MDH1B: variants seen among roughly 807,000 people sequenced by gnomAD.
The protein encoded by MDH1B is putative malate dehydrogenase 1B.
In MDH1B, 60 loss-of-function variants were observed where a neutral mutation model predicts 61.4. That is an observed-to-expected ratio of 0.98 (90% CI 0.79 to 1.21). The LOEUF is 1.21. Among genes scored for constraint, MDH1B ranks in the 50% most tolerant of loss-of-function variants. The probability of loss-of-function intolerance (pLI) is 0.00; values close to 1 mark genes in which losing one functional copy is unlikely to be tolerated. For synonymous variants in MDH1B, 236 were observed against 218.7 expected (o/e 1.08, Z -0.70); for missense variants, 587 against 632.1 (o/e 0.93, Z 0.76).
At chr2:206,748,888 G>T (rs55772206) in intron 7 of MDH1B, 132 bp downstream of exon 7, 59,369 of 670,888 alleles carry the variant, frequency 0.088, 3,565 homozygotes, top group African/African-American at 0.25. Flanking sequence ...GAATGAATGA[G>T]TATGAAATTG....
chr2:206,753,640 A>G (rs555730113), intron 5 of MDH1B, among the ~76,000 whole-genome samples: 1 of 152,248 alleles, frequency 6.6e-6, no homozygotes, highest in East Asian at 1.9e-4. Context: ...TTTCTCTTTC[A>G]TGATGTTTTG....
In MDH1B at chr2:206,738,305, C is replaced by A; in HGVS notation, c.*178G>T. The A allele has an allele frequency of 2.3e-6, 1 of 435,132 alleles. No individual in the cohort carries two copies. Among genetic ancestry groups the A allele is most frequent in the African/African-American group, 2.0e-5 (1 of 49,184 alleles). The allele number at this position is 435,132 out of a possible 1,614,324, so 27.0% of individuals were successfully genotyped here. A position where few individuals can be genotyped will look rare whatever the true frequency, so the allele number is the denominator to read the frequency against. On this transcript the variant is annotated 3_prime_UTR_variant, in exon 12 of 12. Coordinates refer to ENST00000374412, the MANE Select transcript of MDH1B (RefSeq NM_001039845.3). The stretch of plus-strand genomic sequence containing the variant: ...CAAACATGAGTGGATACAAGTAATG[C>A]AAAATGACGGAACTCTGACCTCTGT...
intron 9 of MDH1B, among the ~76,000 whole-genome samples, chr2:206,743,355 G>C (rs979181569): frequency 6.6e-6 from 1 of 152,136 alleles, no homozygotes; most frequent in East Asian, 1.9e-4. Flanking sequence ...TCTGCCTTCA[G>C]GTCTTTTACA....
At chr2:206,750,845 C>T (rs1358803482) in intron 6 of MDH1B, 89 bp downstream of exon 6, 3 of 1,144,502 alleles carry the variant, frequency 2.6e-6, no homozygotes, top group Non-Finnish European at 3.5e-6. Flanking sequence ...TATTTTTGTA[C>T]AAAGATTTAT....
intron 9 of MDH1B, among the ~76,000 whole-genome samples, chr2:206,742,383 T>C (rs1687861030): frequency 6.6e-6 from 1 of 152,204 alleles, no homozygotes; most frequent in African/African-American, 2.4e-5. Flanking sequence ...ACACTGAGTT[T>C]GTAAACTCTG....
intron 2 of MDH1B, among the ~76,000 whole-genome samples, chr2:206,759,576 C>G (rs564528261): frequency 1.3e-5 from 2 of 152,302 alleles, no homozygotes; most frequent in East Asian, 3.9e-4. Flanking sequence ...GTTCCTTTTT[C>G]TCCACAACCT....
At chr2:206,763,703 A>C (rs1287591436) in intron 1 of MDH1B, among the ~76,000 whole-genome samples, 2 of 152,170 alleles carry the variant, frequency 1.3e-5, no homozygotes, top group Non-Finnish European at 2.9e-5. Flanking sequence ...TAATAAACTT[A>C]TTTCAATTTT....
intron 2 of MDH1B, among the ~76,000 whole-genome samples, chr2:206,759,409 T>C (rs1688964340): frequency 6.6e-6 from 1 of 152,210 alleles, no homozygotes; most frequent in African/African-American, 2.4e-5. Flanking sequence ...GTTGATTCCA[T>C]GTCTTTGCTA....
chr2:206,756,988 G>C lies in MDH1B; in HGVS notation c.323C>G (p.Ala108Gly). 6.2e-7 allele frequency: 1 copy of C among 1,613,942 alleles called. No individual in the cohort carries two copies. Among genetic ancestry groups the C allele is most frequent in the Non-Finnish European group, 8.5e-7 (1 of 1,179,894 alleles). Residue 108 changes from alanine to glycine, a missense_variant, in exon 4 of 12, where the codon GCT becomes GGT. Transcript: ENST00000374412. ...SMTTELMMVIAQENLGAHIEK... is the reference protein window; with the variant it reads ...SMTTELMMVIGQENLGAHIEK... ...TATATGTGCCCCCAGGTTCTCTTGA[G>C]CAATTACCATCATCAGTTCAGTCGT...
rs758429458 is a variant in MDH1B at position 206,765,320 on chromosome 2, C to T, written c.-49G>A. The T allele has an allele frequency of 3.8e-6, 6 of 1,570,920 alleles. No homozygotes were observed. The highest frequency in any genetic ancestry group is 1.2e-5 in the South Asian group (1 of 84,710). ...GGACCGCGGCTTCGCGGTTTCCTGG[C>T]AACCACGCAGCCAAGGGCAAGGCGC... On this transcript the variant is annotated 5_prime_UTR_variant, in exon 1 of 12. Transcript: ENST00000374412.
chr2:206,750,856 G>A (rs1401289796), intron 6 of MDH1B, 78 bp downstream of exon 6: 2 of 1,189,076 alleles, frequency 1.7e-6, no homozygotes, highest in South Asian at 2.2e-5. Context: ...AAAGATTTAT[G>A]AGATGATTTA....
chr2:206,738,549 C>T, intron 11 of MDH1B, 38 bp from the exon 12 acceptor site: 1 of 1,481,056 alleles, frequency 6.8e-7, no homozygotes, highest in Non-Finnish European at 9.3e-7. Context: ...TAACTATTTC[C>T]AAAATATGTT....
chr2:206,745,137 A>G (rs1207192768), intron 9 of MDH1B, among the ~76,000 whole-genome samples: 2 of 152,104 alleles, frequency 1.3e-5, no homozygotes, highest in Admixed American at 6.6e-5. Flanking sequence ...CACAGAGGAA[A>G]GATGGACATG....
At chr2:206,746,226 T>A in intron 8 of MDH1B, 61 bp downstream of exon 8, 2 of 1,464,414 alleles carry the variant, frequency 1.4e-6, no homozygotes, top group Admixed American at 4.7e-5. Flanking sequence ...TGCCTTGGCC[T>A]AGGAGAATCA....
At chr2:206,757,443 C>A in intron 2 of MDH1B, 72 bp from the exon 3 acceptor site, 1 of 1,492,034 alleles carries the variant, frequency 6.7e-7, no homozygotes. Flanking sequence ...CTTTAGAATT[C>A]AAACATTAAA....
At position 206,765,297 on chromosome 2, in the gene MDH1B, A is replaced by C. The variant is rs754578328; in HGVS notation, c.-26T>G. The C allele has an allele frequency of 5.7e-6, 9 of 1,585,464 alleles. No homozygotes were observed. In the South Asian group the frequency reaches 8.0e-5, roughly 14 times the overall value. ...GGTCGAGAGAGACTCAGAGGCAGGG[A>C]CCGCGGCTTCGCGGTTTCCTGGCAA... On this transcript the variant is annotated 5_prime_UTR_variant, in exon 1 of 12. Transcript: ENST00000374412.
intron 5 of MDH1B, among the ~76,000 whole-genome samples, chr2:206,754,608 G>A (rs191780401): frequency 2.8e-4 from 43 of 152,216 alleles, no homozygotes; most frequent in African/African-American, 4.3e-4. Flanking sequence ...GGAAACTGAC[G>A]CACTGAAAGA....
rs767191564 is a variant in MDH1B at position 206,739,680 on chromosome 2, G to A, written c.1460-19C>T. 2 of 1,611,808 alleles carry A rather than the reference G, an allele frequency of 1.2e-6. No homozygotes were observed. The highest frequency in any genetic ancestry group is 1.7e-6 in the Non-Finnish European group (2 of 1,178,178). Reference sequence around the variant, plus strand: ...TCTGCTGCTGCAAATAGAGTTAAAAGAATAGTTTTTAGTATGTAAAGCGCA... The same window carrying A: ...TCTGCTGCTGCAAATAGAGTTAAAAAAATAGTTTTTAGTATGTAAAGCGCA... On this transcript the variant is annotated intron_variant, in intron 10 of 11. Transcript: ENST00000374412.
intron 6 of MDH1B, 145 bp downstream of exon 6, chr2:206,750,789 T>C: frequency 1.6e-6 from 1 of 611,558 alleles, no homozygotes; most frequent in Non-Finnish European, 2.5e-6. Flanking sequence ...ATTTTCTGTT[T>C]CTTCAGTAGA....
Sources: allele counts gnomAD v4.1 joint callset (sites outside exome capture counted in the v4.1 genomes callset), GRCh38; gene constraint gnomAD v4.1.1; transcripts MANE v1.5; gene names NCBI Gene and HGNC (gene_info 2026-07-23, HGNC 2026-07-21).